The following RAB38 variants were observed in gnomAD, a reference collection of about 807,000 sequenced individuals.
RAB38 encodes the protein ras-related protein Rab-38.
A neutral mutation model predicts 18.4 loss-of-function variants in RAB38; 15 were observed. The observed-to-expected ratio is 0.82, with a 90% confidence interval of 0.55 to 1.26. The LOEUF is 1.26. RAB38 is among the 50% of genes most tolerant of loss of function. The probability of loss-of-function intolerance (pLI) is 0.00; values close to 1 mark genes in which losing one functional copy is unlikely to be tolerated. For synonymous variants in RAB38, 101 were observed against 104.4 expected (o/e 0.97, Z 0.20); for missense variants, 294 against 267.4 (o/e 1.10, Z -0.69).
At chr11:88,027,161 G>C in the RAB38 span, among the ~76,000 whole-genome samples, 2 of 151,638 alleles carry the variant, frequency 1.3e-5, no homozygotes. Context: ...AGTTTTCTGA[G>C]TTTTTTTTAA....
At chr11:87,944,812 A>G in the RAB38 span, among the ~76,000 whole-genome samples, 1 of 152,166 alleles carries the variant, frequency 6.6e-6, no homozygotes, top group Non-Finnish European at 1.5e-5. Context: ...ATCATCCCCT[A>G]TGCCTCAGGA....
chr11:87,912,869 CTTTATTTTAT>C, the RAB38 span, among the ~76,000 whole-genome samples: 3 of 145,452 alleles, frequency 2.1e-5, no homozygotes, highest in African/African-American at 7.6e-5. Context: ...AGGCACATCT[CTTTATTTTAT>C]TTTATTTTAT....
the RAB38 span, among the ~76,000 whole-genome samples, chr11:87,956,986 G>T: frequency 4.0e-5 from 6 of 151,602 alleles, no homozygotes; most frequent in South Asian, 2.1e-4. Context: ...AGTTTTTTGG[G>T]GGGGGGTCCT....
the RAB38 span, among the ~76,000 whole-genome samples, chr11:88,037,478 G>C: frequency 1.3e-5 from 2 of 152,072 alleles, no homozygotes; most frequent in African/African-American, 4.8e-5. Context: ...TAAGTGTACA[G>C]TTTGAGCACT....
At chr11:87,893,486 TTTTC>T in the RAB38 span, among the ~76,000 whole-genome samples, 8 of 149,778 alleles carry the variant, frequency 5.3e-5, no homozygotes, top group African/African-American at 2.0e-4. Context: ...AGATGCTTTG[TTTTC>T]TTTATTTTTC....
chr11:87,857,454 C>G, the RAB38 span, among the ~76,000 whole-genome samples: 4 of 152,098 alleles, frequency 2.6e-5, no homozygotes, highest in African/African-American at 7.2e-5. Flanking sequence ...CTTCCACAAT[C>G]ATTGAACTAG....
At chr11:87,831,113 T>C in the RAB38 span, among the ~76,000 whole-genome samples, 1 of 152,104 alleles carries the variant, frequency 6.6e-6, no homozygotes. Context: ...AGCTGGAAAT[T>C]ACGTTTTAGA....
At chr11:87,847,635 G>T in the RAB38 span, among the ~76,000 whole-genome samples, 1 of 152,180 alleles carries the variant, frequency 6.6e-6, no homozygotes, top group Admixed American at 6.6e-5. Context: ...GTGAGTAGGG[G>T]TGAGATGGTG....
At chr11:88,039,590 T>C in the RAB38 span, among the ~76,000 whole-genome samples, 1 of 152,184 alleles carries the variant, frequency 6.6e-6, no homozygotes, top group African/African-American at 2.4e-5. Flanking sequence ...GTTTTACTCA[T>C]GAATTGATTA....
the RAB38 span, among the ~76,000 whole-genome samples, chr11:87,877,960 C>G: frequency 6.6e-6 from 1 of 151,102 alleles, no homozygotes; most frequent in African/African-American, 2.4e-5. Context: ...CTGTTTTAGG[C>G]ACTAAGCGTG....
the RAB38 span, among the ~76,000 whole-genome samples, chr11:87,952,823 A>C: frequency 6.6e-6 from 1 of 152,206 alleles, no homozygotes; most frequent in Non-Finnish European, 1.5e-5. Context: ...GCACATGCTT[A>C]TTGATAAGTA....
the RAB38 span, among the ~76,000 whole-genome samples, chr11:88,070,005 A>G: frequency 2.1e-3 from 326 of 152,332 alleles, 1 homozygote; most frequent in African/African-American, 7.1e-3. Context: ...GTGGGGTCAG[A>G]TAAGGGAATA....
intron 1 of RAB38, among the ~76,000 whole-genome samples, chr11:88,172,969 G>A (rs781063970): frequency 5.3e-5 from 8 of 152,164 alleles, no homozygotes; most frequent in South Asian, 2.1e-4. Flanking sequence ...TAACACCACC[G>A]CAGTATCTGT....
chr11:88,145,031 T>G (rs1184132340), intron 2 of RAB38, among the ~76,000 whole-genome samples: 3 of 152,096 alleles, frequency 2.0e-5, no homozygotes, highest in Non-Finnish European at 4.4e-5. Flanking sequence ...CACGGCTAGA[T>G]CGGCGTATGG....
the RAB38 span, among the ~76,000 whole-genome samples, chr11:88,092,859 TG>T: frequency 6.6e-6 from 1 of 151,790 alleles, no homozygotes; most frequent in Admixed American, 6.6e-5. Context: ...GAATAAAGTT[TG>T]GGAAAAGATG....
At chr11:88,040,770 A>T in the RAB38 span, among the ~76,000 whole-genome samples, 5 of 152,234 alleles carry the variant, frequency 3.3e-5, no homozygotes, top group South Asian at 1.0e-3. Flanking sequence ...ATACAGTCAC[A>T]TTCTTAGGTG....
At chr11:88,077,060 T>G in the RAB38 span, among the ~76,000 whole-genome samples, 1 of 141,938 alleles carries the variant, frequency 7.0e-6, no homozygotes, top group Non-Finnish European at 1.6e-5. Context: ...AAAAAGAATA[T>G]AAAATATCTA....
the RAB38 span, among the ~76,000 whole-genome samples, chr11:88,039,292 G>C: frequency 6.6e-6 from 1 of 151,904 alleles, no homozygotes; most frequent in Non-Finnish European, 1.5e-5. Flanking sequence ...TTTTTTGTAT[G>C]ACTATATTGA....
At chr11:88,166,601 ATTT>A (rs1943247955) in intron 1 of RAB38, 2 of 152,086 alleles carry the variant, frequency 1.3e-5, no homozygotes, top group Non-Finnish European at 2.9e-5. Flanking sequence ...CGAAGTTATT[ATTT>A]TATATAATAT....
Sources: gnomAD v4.1 joint callset for allele counts (sites outside exome capture counted in the v4.1 genomes callset) on GRCh38, gnomAD v4.1.1 for gene constraint, MANE v1.5 for transcripts, NCBI Gene and HGNC (gene_info 2026-07-23, HGNC 2026-07-21) for gene names.